The following IFT140 variants were observed in gnomAD, a reference collection of about 807,000 sequenced individuals.
IFT140 encodes the protein intraflagellar transport protein 140 homolog.
A neutral mutation model predicts 164.6 loss-of-function variants in IFT140; 133 were observed. The ratio of observed to expected loss-of-function variants is 0.81; its 90% CI spans 0.70 to 0.93. The LOEUF is 0.93. Ranked by LOEUF, IFT140 falls within the 40% of genes least tolerant of loss-of-function variation. The pLI is 0.00. For synonymous variants in IFT140, 860 were observed against 817.3 expected (o/e 1.05, Z -0.89); for missense variants, 2,045 against 1,972.3 (o/e 1.04, Z -0.70).
chr16:1,532,185 G>C (rs1373159294), intron 19 of IFT140: 2 of 152,292 alleles, frequency 1.3e-5, no homozygotes, highest in African/African-American at 4.8e-5. Flanking sequence ...GGGGCCGGCA[G>C]CACCACTGTG....
intron 16 of IFT140, among the ~76,000 whole-genome samples, chr16:1,565,821 C>A (rs918379483): frequency 6.6e-6 from 1 of 152,216 alleles, no homozygotes; most frequent in Non-Finnish European, 1.5e-5. Context: ...TTTAAACAGG[C>A]AAATGCCCCC....
chr16:1,599,955 C>G (rs2035703519), intron 4 of IFT140, among the ~76,000 whole-genome samples: 1 of 136,586 alleles, frequency 7.3e-6, no homozygotes, highest in Non-Finnish European at 1.6e-5. Flanking sequence ...GGAGGTGTAC[C>G]CAACAGCTCA....
intron 3 of IFT140, 63 bp from the exon 4 acceptor site, chr16:1,602,654 T>C (rs1482611315): frequency 5.3e-6 from 8 of 1,506,280 alleles, no homozygotes; most frequent in Admixed American, 1.7e-5. Context: ...TAAGAACTTC[T>C]GTCTAGGCCG....
At chr16:1,591,547 C>T (rs1308709364) in intron 6 of IFT140, among the ~76,000 whole-genome samples, 1 of 152,222 alleles carries the variant, frequency 6.6e-6, no homozygotes, top group African/African-American at 2.4e-5. Flanking sequence ...ATCTCCTCAG[C>T]CACGCCAGCA....
intron 4 of IFT140, among the ~76,000 whole-genome samples, chr16:1,593,625 C>T (rs1017383516): frequency 1.3e-5 from 2 of 152,122 alleles, no homozygotes; most frequent in Non-Finnish European, 2.9e-5. Flanking sequence ...CAGTGTGAGA[C>T]CTGCTGGCTG....
chr16:1,610,413 C>G (rs2036277436), intron 2 of IFT140: 1 of 154,774 alleles, frequency 6.5e-6, no homozygotes, highest in African/African-American at 2.4e-5. Context: ...ACTCTCCCAG[C>G]TACCGGAATC....
At chr16:1,545,210 G>A (rs898713107) in intron 19 of IFT140, among the ~76,000 whole-genome samples, 1 of 152,194 alleles carries the variant, frequency 6.6e-6, no homozygotes, top group Non-Finnish European at 1.5e-5. Context: ...GGATGGTGGC[G>A]GGGGCGGGAC....
intron 13 of IFT140, among the ~76,000 whole-genome samples, chr16:1,575,033 C>G (rs2034205425): frequency 6.6e-6 from 1 of 152,168 alleles, no homozygotes; most frequent in Admixed American, 6.5e-5. Flanking sequence ...CCAGAGCCAC[C>G]TTACTAGTTA....
intron 19 of IFT140, among the ~76,000 whole-genome samples, chr16:1,547,627 C>T (rs1378672948): frequency 1.3e-5 from 2 of 152,198 alleles, no homozygotes; most frequent in Non-Finnish European, 2.9e-5. Context: ...AGTTCCGCCT[C>T]CCAGGTTCAA....
At chr16:1,541,789 G>C in intron 19 of IFT140, 2 of 1,129,702 alleles carry the variant, frequency 1.8e-6, no homozygotes. Flanking sequence ...CGAAGCCACT[G>C]CCCAATGGAG....
At chr16:1,511,856 C>A (rs948643746) in intron 30 of IFT140, among the ~76,000 whole-genome samples, 1 of 151,854 alleles carries the variant, frequency 6.6e-6, no homozygotes, top group Non-Finnish European at 1.5e-5. Flanking sequence ...GGGCACAGAA[C>A]AAGCTTGGGT....
At chr16:1,544,489 C>A (rs2031973144) in intron 19 of IFT140, among the ~76,000 whole-genome samples, 2 of 150,776 alleles carry the variant, frequency 1.3e-5, no homozygotes, top group Non-Finnish European at 3.0e-5. Context: ...CTGGCCACGC[C>A]CCACTAATTT....
At chr16:1,552,575 G>A (rs954870339) in intron 19 of IFT140, among the ~76,000 whole-genome samples, 1 of 151,822 alleles carries the variant, frequency 6.6e-6, no homozygotes, top group African/African-American at 2.4e-5. Context: ...ACACAATCGT[G>A]AGCAGAGGGC....
chr16:1,581,020 G>T (rs1258657166), intron 12 of IFT140, among the ~76,000 whole-genome samples, 170 bp from the exon 13 acceptor site: 1 of 152,188 alleles, frequency 6.6e-6, no homozygotes, highest in Non-Finnish European at 1.5e-5. Flanking sequence ...CTGAGGCACA[G>T]GGAACTGTCG....
intron 19 of IFT140, chr16:1,541,412 C>G: frequency 2.0e-6 from 2 of 985,388 alleles, no homozygotes; most frequent in Non-Finnish European, 2.4e-6. Context: ...GGAGGGAACA[C>G]CACCATGAGC....
intron 30 of IFT140, among the ~76,000 whole-genome samples, chr16:1,514,985 G>T (rs1181608279): frequency 1.3e-5 from 2 of 152,106 alleles, no homozygotes; most frequent in African/African-American, 4.8e-5. Context: ...AAGATTGCTG[G>T]AGAGGTTAAC....
chr16:1,567,920 G>A (rs1360584677), intron 15 of IFT140, among the ~76,000 whole-genome samples: 1 of 152,228 alleles, frequency 6.6e-6, no homozygotes, highest in Non-Finnish European at 1.5e-5. Context: ...GAGGAAGCGA[G>A]CAACTCTCCA....
chr16:1,524,139 T>C, intron 24 of IFT140, 183 bp from the exon 25 acceptor site: 1 of 773,868 alleles, frequency 1.3e-6, no homozygotes, highest in Non-Finnish European at 2.0e-6. Context: ...GATTTTCCGA[T>C]GCTCTGGGTT....
chr16:1,606,520 G>A (rs550338862), intron 3 of IFT140, among the ~76,000 whole-genome samples: 1 of 152,334 alleles, frequency 6.6e-6, no homozygotes, highest in South Asian at 2.1e-4. Flanking sequence ...GAGCGCAATG[G>A]CGTGATCGCC....
Sources: allele counts gnomAD v4.1 joint callset (sites outside exome capture counted in the v4.1 genomes callset), GRCh38; gene constraint gnomAD v4.1.1; transcripts MANE v1.5; gene names NCBI Gene and HGNC (gene_info 2026-07-23, HGNC 2026-07-21).